FOXN3: variants seen among roughly 807,000 people sequenced by gnomAD.
The protein encoded by FOXN3 is forkhead box protein N3.
Under a neutral mutation model 38.4 loss-of-function variants are expected in FOXN3, and 7 were observed. The ratio of observed to expected loss-of-function variants is 0.18; its 90% CI spans 0.10 to 0.34. The LOEUF is 0.34. Among genes scored for constraint, FOXN3 ranks in the 10% least tolerant of loss-of-function variants. The pLI, the probability that FOXN3 is intolerant of heterozygous loss-of-function variation, is 1.00. For synonymous variants in FOXN3, 230 were observed against 242.2 expected (o/e 0.95, Z 0.47); for missense variants, 456 against 613.4 (o/e 0.74, Z 2.71).
intron 1 of FOXN3, among the ~76,000 whole-genome samples, chr14:89,571,219 G>A (rs1895481549): frequency 1.3e-5 from 2 of 151,958 alleles, no homozygotes; most frequent in African/African-American, 4.8e-5. Flanking sequence ...AATGAAAGGT[G>A]ATAGACTGGC....
At chr14:89,254,819 C>T (rs896557686) in intron 4 of FOXN3, among the ~76,000 whole-genome samples, 10 of 152,126 alleles carry the variant, frequency 6.6e-5, no homozygotes, top group Non-Finnish European at 1.3e-4. Context: ...CCTTTTCAGA[C>T]CCAGAGTGCT....
chr14:89,294,788 T>C (rs571989629), intron 3 of FOXN3, among the ~76,000 whole-genome samples: 2 of 152,180 alleles, frequency 1.3e-5, no homozygotes, highest in Non-Finnish European at 2.9e-5. Flanking sequence ...CACCCCTTGT[T>C]TAGCATATCA....
chr14:89,489,349 T>C (rs540100084), intron 1 of FOXN3, among the ~76,000 whole-genome samples: 27 of 152,374 alleles, frequency 1.8e-4, no homozygotes, highest in African/African-American at 6.5e-4. Flanking sequence ...GTTTGGCTAC[T>C]AATTAACACT....
chr14:89,496,943 G>A (rs1893696724), intron 1 of FOXN3, among the ~76,000 whole-genome samples: 1 of 152,068 alleles, frequency 6.6e-6, no homozygotes, highest in Non-Finnish European at 1.5e-5. Flanking sequence ...CCATGTTGTA[G>A]CATGTGTCAG....
In FOXN3 at chr14:89,412,506, C is replaced by T. The variant is rs761830655; in HGVS notation, c.-14-16G>A. 1.3e-6 allele frequency: 2 copies of T among 1,562,850 alleles called. No homozygotes were observed. The highest frequency in any genetic ancestry group is 4.5e-5 in the East Asian group (2 of 44,328). On this transcript the variant is annotated splice_polypyrimidine_tract_variant and intron_variant, in intron 1 of 5. Transcript: ENST00000557258. This position sits in a 1 kb window ranked among gnomAD's most constrained non-coding sequence, Gnocchi z 4.7. Reference sequence around the variant, plus strand: ...GTGAAGGCTCCTAGTAAAGACATCACAAAGAAATGATGAGCTGGCGAGGCC... The same window carrying T: ...GTGAAGGCTCCTAGTAAAGACATCATAAAGAAATGATGAGCTGGCGAGGCC...
intron 1 of FOXN3, among the ~76,000 whole-genome samples, chr14:89,540,686 C>T (rs917049491): frequency 3.2e-4 from 47 of 148,276 alleles, no homozygotes; most frequent in Non-Finnish European, 4.3e-4. Context: ...TGTAGTGAGC[C>T]GAGATTGCAA....
chr14:89,258,473 T>G (rs1327385778), intron 4 of FOXN3, among the ~76,000 whole-genome samples: 1 of 152,174 alleles, frequency 6.6e-6, no homozygotes, highest in Non-Finnish European at 1.5e-5. Flanking sequence ...GAGGCTCAAG[T>G]GAAGGCATGC....
intron 4 of FOXN3, among the ~76,000 whole-genome samples, chr14:89,226,120 A>G (rs1428265122): frequency 2.2e-5 from 2 of 89,266 alleles, no homozygotes; most frequent in African/African-American, 4.4e-5. Flanking sequence ...GGGCGGGGGG[A>G]GGGGAGGGGA....
At chr14:89,210,112 G>A (rs552868390) in intron 4 of FOXN3, among the ~76,000 whole-genome samples, 255 of 152,256 alleles carry the variant, frequency 1.7e-3, no homozygotes, top group African/African-American at 6.0e-3. Context: ...GGTTTGGATC[G>A]GTGTCCCCAC....
At chr14:89,249,264 C>T (rs371238385) in intron 4 of FOXN3, among the ~76,000 whole-genome samples, 4 of 152,130 alleles carry the variant, frequency 2.6e-5, no homozygotes, top group South Asian at 2.1e-4. Flanking sequence ...GAAAGGCTTC[C>T]GTTGCTGTCA....
At chr14:89,277,830 G>A (rs1329510953) in intron 4 of FOXN3, among the ~76,000 whole-genome samples, 2 of 152,122 alleles carry the variant, frequency 1.3e-5, no homozygotes, top group East Asian at 1.9e-4. Context: ...TCTTCCCGTC[G>A]CTATACAAAG....
intron 1 of FOXN3, among the ~76,000 whole-genome samples, chr14:89,506,117 A>C (rs1401546470): frequency 8.6e-6 from 1 of 116,052 alleles, no homozygotes; most frequent in Non-Finnish European, 1.8e-5. Context: ...CCGGGAGGTG[A>C]GGGGCGCCTC....
chr14:89,412,334 A>G lies in FOXN3; in HGVS notation c.143T>C (p.Ile48Thr). ...TTCCATGGCCCCCTCTTCTAATCGG[A>G]TGTCAGGCAGAGAAAAGTCGAGGTC... ...DDDLDFSLPDIRLEEGAMEDE... is the reference protein window; with the variant it reads ...DDDLDFSLPDTRLEEGAMEDE... The change falls in exon 2 of 6, where the codon ATC (isoleucine) becomes ACC (threonine). Residue 48 changes from isoleucine to threonine, a missense_variant. Transcript: ENST00000557258. The surrounding 1 kb of genome is among the most constrained non-coding windows in gnomAD (Gnocchi z 4.7). 6.2e-7 allele frequency: 1 copy of G among 1,614,078 alleles called. No individual in the cohort carries two copies. Among genetic ancestry groups the G allele is most frequent in the East Asian group, 2.2e-5 (1 of 44,882 alleles).
chr14:89,329,024 T>C (rs1158910504), intron 3 of FOXN3, among the ~76,000 whole-genome samples: 2 of 152,186 alleles, frequency 1.3e-5, no homozygotes, highest in South Asian at 2.1e-4. Flanking sequence ...GCTCAGCTTA[T>C]AACCATGCAA....
intron 1 of FOXN3, among the ~76,000 whole-genome samples, chr14:89,530,743 G>A (rs1389289064): frequency 6.6e-6 from 1 of 150,962 alleles, no homozygotes; most frequent in African/African-American, 2.4e-5. Flanking sequence ...CCAAGTAGCT[G>A]GGATTACAGG....
intron 4 of FOXN3, among the ~76,000 whole-genome samples, chr14:89,202,076 G>A (rs558699963): frequency 1.3e-4 from 20 of 152,284 alleles, no homozygotes; most frequent in Non-Finnish European, 2.5e-4. Flanking sequence ...TAAATACCAC[G>A]CAGAACCCTG....
intron 1 of FOXN3, among the ~76,000 whole-genome samples, chr14:89,562,782 G>A (rs1195454698): frequency 6.6e-6 from 1 of 152,118 alleles, no homozygotes; most frequent in Non-Finnish European, 1.5e-5. Context: ...CTCATGAGGA[G>A]GTATCAAAAG....
At chr14:89,172,383 A>C (rs1332727554) in intron 5 of FOXN3, among the ~76,000 whole-genome samples, 1 of 152,216 alleles carries the variant, frequency 6.6e-6, no homozygotes, top group South Asian at 2.1e-4. Context: ...CACTGCACCT[A>C]GCATTCAATA....
chr14:89,557,584 T>C (rs746000697), intron 1 of FOXN3, among the ~76,000 whole-genome samples: 1 of 152,142 alleles, frequency 6.6e-6, no homozygotes, highest in Non-Finnish European at 1.5e-5. Flanking sequence ...ACAAGGCTTA[T>C]TGGTGGGGCT....
Sources: gnomAD v4.1 joint callset for allele counts (sites outside exome capture counted in the v4.1 genomes callset) on GRCh38, gnomAD v4.1.1 for gene constraint, Gnocchi (gnomAD v3.1) non-coding constraint, MANE v1.5 for transcripts, NCBI Gene and HGNC (gene_info 2026-07-23, HGNC 2026-07-21) for gene names.